The following PPP4R1 variants were observed in gnomAD, a reference collection of about 807,000 sequenced individuals.
PPP4R1 encodes the protein serine/threonine-protein phosphatase 4 regulatory subunit 1.
PPP4R1 carries 42 observed loss-of-function variants against 111.2 expected under a neutral mutation model. That is an observed-to-expected ratio of 0.38 (90% CI 0.29 to 0.49). The LOEUF is 0.49. Among genes scored for constraint, PPP4R1 ranks in the 20% least tolerant of loss-of-function variants. PPP4R1 has a pLI of 0.97. For synonymous variants in PPP4R1, 409 were observed against 405.5 expected (o/e 1.01, Z -0.10); for missense variants, 1,012 against 1,161.6 (o/e 0.87, Z 1.87).
chr18:9,599,122 C>T (rs537827276), intron 2 of PPP4R1, among the ~76,000 whole-genome samples: 5 of 151,792 alleles, frequency 3.3e-5, no homozygotes, highest in African/African-American at 9.7e-5. Flanking sequence ...AATAAAAATA[C>T]GTACTAAGAA....
chr18:9,594,020 C>T (rs2067253589), intron 3 of PPP4R1, 146 bp from the exon 4 acceptor site: 5 of 635,010 alleles, frequency 7.9e-6, no homozygotes, highest in Non-Finnish European at 1.4e-5. Context: ...ATTGACTTCC[C>T]TGGCTCAGGT....
At chr18:9,583,073 G>C in intron 9 of PPP4R1, 44 bp downstream of exon 9, 1 of 1,486,474 alleles carries the variant, frequency 6.7e-7, no homozygotes, top group Non-Finnish European at 9.1e-7. Context: ...CTTTAAAACG[G>C]ACACAAATGT....
intron 11 of PPP4R1, among the ~76,000 whole-genome samples, chr18:9,566,315 C>CA (rs1178351065): frequency 6.6e-5 from 10 of 152,024 alleles, no homozygotes; most frequent in African/African-American, 2.4e-4. Context: ...CTCCGAAGGC[C>CA]AAGGTGACTC....
At chr18:9,557,067 CATTTCTTTTTTAA>C in intron 15 of PPP4R1, 141 bp downstream of exon 15, 1 of 615,874 alleles carries the variant, frequency 1.6e-6, no homozygotes, top group East Asian at 3.0e-5. Context: ...ATTATGGGAC[CATTTCTTTTTTAA>C]GTTGCATCTT....
chr18:9,606,166 T>C (rs2067478280), intron 2 of PPP4R1, among the ~76,000 whole-genome samples: 1 of 152,344 alleles, frequency 6.6e-6, no homozygotes, highest in African/African-American at 2.4e-5. Context: ...ATACTTATTC[T>C]ACATTAAGCA....
chr18:9,583,376 GTTTGT>G, intron 8 of PPP4R1, 101 bp from the exon 9 acceptor site: 1 of 1,226,978 alleles, frequency 8.2e-7, no homozygotes, highest in Non-Finnish European at 1.1e-6. Context: ...TTGTTTGTTT[GTTTGT>G]TTTGAGACAG....
At position 9,556,456 on chromosome 18, in the gene PPP4R1, G is replaced by A. The variant is rs571580649; in HGVS notation, c.2190+765C>T. On this transcript the variant is annotated intron_variant, in intron 15 of 19. Coordinates refer to ENST00000400556, the MANE Select transcript of PPP4R1 (RefSeq NM_001042388.3). Reference sequence around the variant, plus strand: ...GATCTGCCCGCCTCAGCCTCCCAAAGTGCTGGGATTACAGGCGTGAGCCAC... The same window carrying A: ...GATCTGCCCGCCTCAGCCTCCCAAAATGCTGGGATTACAGGCGTGAGCCAC... 3.3e-5 allele frequency among the ~76,000 whole-genome samples: 5 copies of A among 152,204 alleles called. No homozygotes were observed. In the South Asian group the frequency reaches 6.2e-4, roughly 19 times the overall value.
chr18:9,549,541 C>T (rs551882377), intron 18 of PPP4R1, among the ~76,000 whole-genome samples: 292 of 152,314 alleles, frequency 1.9e-3, no homozygotes, highest in African/African-American at 6.7e-3. Flanking sequence ...AACTGCTCTA[C>T]GGAGACCTAG....
At chr18:9,560,362 A>T (rs1383599552) in intron 13 of PPP4R1, among the ~76,000 whole-genome samples, 3 of 152,212 alleles carry the variant, frequency 2.0e-5, no homozygotes, top group Non-Finnish European at 4.4e-5. Context: ...ATGTCTAATT[A>T]TTAGTATATA....
chr18:9,575,891 A>T (rs2066928365), intron 10 of PPP4R1, among the ~76,000 whole-genome samples: 1 of 152,258 alleles, frequency 6.6e-6, no homozygotes, highest in Non-Finnish European at 1.5e-5. Context: ...AAGTTATGTA[A>T]CAGTCTTCAG....
intron 10 of PPP4R1, among the ~76,000 whole-genome samples, chr18:9,573,524 G>A (rs1401918672): frequency 6.6e-6 from 1 of 152,174 alleles, no homozygotes; most frequent in African/African-American, 2.4e-5. Flanking sequence ...CAGAAAGGGG[G>A]AAGAGAAGAG....
At chr18:9,559,709 T>A in intron 13 of PPP4R1, 105 bp from the exon 14 acceptor site, 1 of 834,218 alleles carries the variant, frequency 1.2e-6, no homozygotes, top group Non-Finnish European at 1.7e-6. Context: ...GATTTTAACA[T>A]AGCATCTCAA....
chr18:9,574,654 C>G (rs755338505), intron 10 of PPP4R1, among the ~76,000 whole-genome samples: 4 of 152,142 alleles, frequency 2.6e-5, no homozygotes, highest in Non-Finnish European at 5.9e-5. Flanking sequence ...AGGAGCTGGA[C>G]GCCACACTGC....
At chr18:9,556,294 G>C (rs560996991) in intron 15 of PPP4R1, among the ~76,000 whole-genome samples, 19 of 151,742 alleles carry the variant, frequency 1.3e-4, no homozygotes, top group African/African-American at 4.3e-4. Context: ...CTGGGCTCAA[G>C]CGATTCTCCT....
Position 9,547,335 on chromosome 18 carries a change from A to G in PPP4R1, c.*454T>C, listed in dbSNP as rs2066416341. 1 of 158,120 alleles carries G rather than the reference A, an allele frequency of 6.3e-6. No individual in the cohort carries two copies. The highest frequency in any genetic ancestry group is 1.4e-5 in the Non-Finnish European group (1 of 71,044). The allele number at this position is 158,120 out of a possible 1,614,324, so 9.8% of individuals were successfully genotyped here. A position where few individuals can be genotyped will look rare whatever the true frequency, so the allele number is the denominator to read the frequency against. ...CAGAGCCCAGCAAGTCCTTCCTGGGAGAGAAGAGTTAGGGCTGATACTGAA... is the reference window on the plus strand; with the variant it reads ...CAGAGCCCAGCAAGTCCTTCCTGGGGGAGAAGAGTTAGGGCTGATACTGAA... On this transcript the variant is annotated 3_prime_UTR_variant, in exon 20 of 20. Transcript: ENST00000400556.
At chr18:9,577,023 A>G (rs2066946652) in intron 10 of PPP4R1, 41 bp downstream of exon 10, 1 of 1,449,248 alleles carries the variant, frequency 6.9e-7, no homozygotes, top group South Asian at 1.3e-5. Context: ...TAAAATTAGA[A>G]AACAAGGTTT....
Position 9,614,189 on chromosome 18 carries a change from GC to G in PPP4R1, c.52+36del. ...CGCCCGCCCTCCCCGGCCGCTCCCC[GC>G]GGACTGCCAGGCCACCGCGAGGCCG... On this transcript the variant is annotated intron_variant, in intron 2 of 19. Transcript: ENST00000400556. This position sits in a 1 kb window ranked among gnomAD's most constrained non-coding sequence, Gnocchi z 4.1. 1 of 1,326,186 alleles carries G rather than the reference GC, an allele frequency of 7.5e-7. No homozygotes were observed. Among genetic ancestry groups the G allele is most frequent in the Non-Finnish European group, 9.8e-7 (1 of 1,025,528 alleles). 82.2% of individuals were successfully genotyped at this position (1,326,186 alleles called of 1,614,324 possible). A position where few individuals can be genotyped will look rare whatever the true frequency, so the allele number is the denominator to read the frequency against.
In PPP4R1 at chr18:9,547,969, C is replaced by G. The variant is rs2066426027; in HGVS notation, c.2690-17G>C. 6.2e-7 allele frequency: 1 copy of G among 1,612,852 alleles called. No homozygotes were observed. Among genetic ancestry groups the G allele is most frequent in the Non-Finnish European group, 8.5e-7 (1 of 1,179,670 alleles). ...AGAAATAGTCTGGAAATGACATGTGCATAGGACAGATGAAACCAGTCCAAC... is the reference window on the plus strand; with the variant it reads ...AGAAATAGTCTGGAAATGACATGTGGATAGGACAGATGAAACCAGTCCAAC... On this transcript the variant is annotated splice_polypyrimidine_tract_variant and intron_variant, in intron 19 of 19. Transcript: ENST00000400556.
At chr18:9,613,904 C>T (rs2067631655) in intron 2 of PPP4R1, 2 of 192,140 alleles carry the variant, frequency 1.0e-5, no homozygotes, top group East Asian at 2.2e-4. Flanking sequence ...ACTTCAAATC[C>T]TGCCCCACCG....
Sources: allele counts gnomAD v4.1 joint callset (sites outside exome capture counted in the v4.1 genomes callset), GRCh38; gene constraint gnomAD v4.1.1; non-coding constraint Gnocchi (gnomAD v3.1); transcripts MANE v1.5; gene names NCBI Gene and HGNC (gene_info 2026-07-23, HGNC 2026-07-21).